Variants in NUGGC observed in about 807,000 individuals in gnomAD.
NUGGC encodes the protein nuclear GTPase SLIP-GC.
A neutral mutation model predicts 92.6 loss-of-function variants in NUGGC; 58 were observed. That is an observed-to-expected ratio of 0.63 (90% CI 0.51 to 0.78). The LOEUF (loss-of-function observed/expected upper bound fraction) is 0.78. Among genes scored for constraint, NUGGC ranks in the 30% least tolerant of loss-of-function variants. The pLI is 0.00. For synonymous variants in NUGGC, 376 were observed against 366.4 expected, an observed-to-expected ratio of 1.03 and a Z score of -0.30; for missense variants, 925 against 964.6, an observed-to-expected ratio of 0.96 and a Z score of 0.54.
intron 6 of NUGGC, among the ~76,000 whole-genome samples, chr8:28,065,386 T>C (rs1810416419): frequency 1.3e-5 from 2 of 152,154 alleles, no homozygotes; most frequent in Non-Finnish European, 2.9e-5. Flanking sequence ...GGGGTCGATC[T>C]CCTGACGTTG....
At chr8:28,054,135 T>G (rs1256329069) in intron 10 of NUGGC, among the ~76,000 whole-genome samples, 1 of 152,226 alleles carries the variant, frequency 6.6e-6, no homozygotes, top group Non-Finnish European at 1.5e-5. Flanking sequence ...ATATCCCTTA[T>G]GTTGTGTTGT....
At chr8:28,026,484 A>G (rs1809263044) in intron 18 of NUGGC, among the ~76,000 whole-genome samples, 1 of 152,324 alleles carries the variant, frequency 6.6e-6, no homozygotes, top group South Asian at 2.1e-4. Context: ...TTTCTCCACC[A>G]TCACCAGACC....
At chr8:28,079,204 G>A (rs118110972) in intron 1 of NUGGC, among the ~76,000 whole-genome samples, 3 of 152,052 alleles carry the variant, frequency 2.0e-5, no homozygotes, top group African/African-American at 2.4e-5. Flanking sequence ...CAACACAAAC[G>A]CAGGTCATTC....
rs115211664 is a variant in NUGGC, at chr8:28,034,893, C to T, written c.1612-1196G>A. 3.0e-3 allele frequency among the ~76,000 whole-genome samples: 454 copies of T among 152,224 alleles called. 9 individuals carry two copies. Among genetic ancestry groups the T allele is most frequent in the African/African-American group, 0.01 (433 of 41,548 alleles). ...ATGGATGAAAAATAATTCATTTTAC[C>T]TCTCTCTTGTTCTTAGACATTTCGG... On this transcript the variant is annotated intron_variant, in intron 13 of 18. Coordinates refer to ENST00000413272, the MANE Select transcript of NUGGC (RefSeq NM_001010906.2).
chr8:28,026,350 G>C (rs73669170), intron 18 of NUGGC, among the ~76,000 whole-genome samples: 3,679 of 152,218 alleles, frequency 0.024, 147 homozygotes, highest in African/African-American at 0.084. Context: ...TTTGTACCAG[G>C]TTACCCTCTC....
chr8:28,067,649 T>C lies in NUGGC; in HGVS notation c.576A>G (p.Ala192=), dbSNP rs1474889777. The change falls in exon 6 of 19, where the codon GCA becomes GCG. Residue 192 remains alanine (A), a synonymous_variant. Coordinates refer to ENST00000413272, the MANE Select transcript of NUGGC (RefSeq NM_001010906.2). The part of the protein sequence containing the change: ...EEADAWNRDE[A]VEEATWKLQM... ...GTAGCTTCCAGGTGGCTTCCTCCAC[T>C]GCCTCATCCCTGTTCCACGCATCTG... The C allele has an allele frequency of 7.4e-6, 12 of 1,613,918 alleles. No homozygotes were observed. The highest frequency in any genetic ancestry group is 6.7e-5 in the East Asian group (3 of 44,900).
intron 1 of NUGGC, among the ~76,000 whole-genome samples, chr8:28,076,622 G>A (rs920823108): frequency 1.3e-5 from 2 of 152,138 alleles, no homozygotes; most frequent in African/African-American, 4.8e-5. Flanking sequence ...GTATGTTAGA[G>A]TCCTTGATTG....
At chr8:28,029,524 A>T in intron 16 of NUGGC, 122 bp from the exon 17 acceptor site, 1 of 1,049,026 alleles carries the variant, frequency 9.5e-7, no homozygotes, top group Non-Finnish European at 1.4e-6. Context: ...TGAAGTGGGC[A>T]GATCAGCTGA....
chr8:28,027,876 G>A (rs1212181366), intron 17 of NUGGC, among the ~76,000 whole-genome samples: 1 of 152,064 alleles, frequency 6.6e-6, no homozygotes, highest in Non-Finnish European at 1.5e-5. Flanking sequence ...CCACATTATC[G>A]ATCAATATAT....
intron 18 of NUGGC, among the ~76,000 whole-genome samples, chr8:28,024,878 A>G (rs1187989118): frequency 6.6e-6 from 1 of 152,226 alleles, no homozygotes; most frequent in Non-Finnish European, 1.5e-5. Context: ...CTGAACTTCA[A>G]GAATAACGAT....
intron 17 of NUGGC, among the ~76,000 whole-genome samples, 175 bp from the exon 18 acceptor site, chr8:28,027,227 C>T (rs554055102): frequency 1.2e-4 from 18 of 152,318 alleles, no homozygotes; most frequent in African/African-American, 4.3e-4. Flanking sequence ...CACCAAATGG[C>T]CCAGGAGGCA....
intron 1 of NUGGC, among the ~76,000 whole-genome samples, chr8:28,082,350 G>A (rs1585611754): frequency 6.6e-6 from 1 of 152,148 alleles, no homozygotes; most frequent in Admixed American, 6.5e-5. Flanking sequence ...TTTTCATAAC[G>A]TACTTTAGCA....
chr8:28,064,794 G>T, intron 6 of NUGGC, 63 bp from the exon 7 acceptor site: 1 of 1,417,908 alleles, frequency 7.1e-7, no homozygotes, highest in Non-Finnish European at 9.9e-7. Context: ...ACCCCGGTTG[G>T]CTGTGATGCA....
rs536359211 is a variant in NUGGC at position 28,064,280 on chromosome 8, T to G, written c.921+242A>C. On this transcript the variant is annotated intron_variant, in intron 7 of 18. Transcript: ENST00000413272. ...CTCTTAAGCCACTCTATTGCTGGTC[T>G]TTCTCATACATCACACACACTTGTC... Among the ~76,000 whole-genome samples the G allele has an allele frequency of 2.6e-5, 4 of 152,354 alleles. No homozygotes were observed. The South Asian group carries it at 8.3e-4, about 32-fold the overall frequency.
chr8:28,068,495 A>T, intron 4 of NUGGC, 57 bp from the exon 5 acceptor site: 2 of 1,219,376 alleles, frequency 1.6e-6, no homozygotes, highest in Middle Eastern at 2.4e-4. Flanking sequence ...AGTGAAGAGC[A>T]TTGAAACAGA....
intron 13 of NUGGC, among the ~76,000 whole-genome samples, chr8:28,035,679 C>T (rs1435293517): frequency 6.6e-6 from 1 of 152,098 alleles, no homozygotes; most frequent in Non-Finnish European, 1.5e-5. Context: ...TTCTCTTGCT[C>T]AGAAATCAGC....
At chr8:28,072,086 C>T (rs1013636408) in intron 2 of NUGGC, among the ~76,000 whole-genome samples, 4 of 152,156 alleles carry the variant, frequency 2.6e-5, no homozygotes, top group Non-Finnish European at 2.9e-5. Flanking sequence ...ACGCACACCC[C>T]GTAGAATATT....
rs7459596 is a variant in NUGGC, at chr8:28,022,020, C to T, written c.*1297G>A. On this transcript the variant is annotated 3_prime_UTR_variant, in exon 19 of 19. Coordinates refer to ENST00000413272, the MANE Select transcript of NUGGC (RefSeq NM_001010906.2). Reference sequence around the variant, plus strand: ...TTTCCATAATACTTAAGTTTTTCAACGTTTAGATATTTTTCTTTATTGAAG... The same window carrying T: ...TTTCCATAATACTTAAGTTTTTCAATGTTTAGATATTTTTCTTTATTGAAG... 0.46 allele frequency: 70,443 copies of T among 151,684 alleles called. 17,792 individuals are homozygous for T. The highest frequency in any genetic ancestry group is 0.59 in the Middle Eastern group (173 of 294). The allele number at this position is 151,684 out of a possible 1,614,324, so 9.4% of individuals were successfully genotyped here. A position where few individuals can be genotyped will look rare whatever the true frequency, so the allele number is the denominator to read the frequency against.
At chr8:28,062,800 A>G (rs934707738) in intron 7 of NUGGC, among the ~76,000 whole-genome samples, 3 of 152,200 alleles carry the variant, frequency 2.0e-5, no homozygotes, top group African/African-American at 7.2e-5. Context: ...GTTTACTAAC[A>G]TGAGAAAAGG....
Sources: gnomAD v4.1 joint callset for allele counts (sites outside exome capture counted in the v4.1 genomes callset) on GRCh38, gnomAD v4.1.1 for gene constraint, MANE v1.5 for transcripts, NCBI Gene and HGNC (gene_info 2026-07-23, HGNC 2026-07-21) for gene names.